CDKL1: variants seen among roughly 807,000 people sequenced by gnomAD.
CDKL1 encodes cyclin-dependent kinase-like 1.
A neutral mutation model predicts 42.0 loss-of-function variants in CDKL1; 41 were observed. The observed-to-expected ratio is 0.98, with a 90% CI of 0.76 to 1.27. The LOEUF is 1.27. Ranked by LOEUF, CDKL1 falls within the 50% of genes most tolerant of loss-of-function variation. CDKL1 has a pLI of 0.00. For missense variants in CDKL1, 394 were observed against 428.4 expected (o/e 0.92, Z 0.71); for synonymous variants, 153 against 158.6 (o/e 0.96, Z 0.26).
intron 2 of CDKL1, among the ~76,000 whole-genome samples, chr14:50,387,271 C>G (rs2035113291): frequency 1.3e-5 from 2 of 151,714 alleles, no homozygotes; most frequent in South Asian, 4.2e-4. Context: ...CCTGTAATCC[C>G]AGCACTTTGG....
chr14:50,330,165 T>TG lies in CDKL1; in HGVS notation c.982dup (p.Gln328ProfsTer13). ...TGGAAGGATGCTGCTGCCAGTTAGCTGGGGTAGGTACTGCAACTAAAAATG... is the reference window on the plus strand; with the variant it reads ...TGGAAGGATGCTGCTGCCAGTTAGCTGGGGGTAGGTACTGCAACTAAAAATG... On this transcript the variant is annotated frameshift_variant, in exon 10 of 10. Transcript: ENST00000395834. LOFTEE classifies it high-confidence loss of function. The TG allele has an allele frequency of 1.9e-6, 3 of 1,606,454 alleles. No individual in the cohort carries two copies. The highest frequency in any genetic ancestry group is 2.5e-6 in the Non-Finnish European group (3 of 1,178,448).
intron 2 of CDKL1, among the ~76,000 whole-genome samples, chr14:50,361,366 A>T (rs1652520820): frequency 6.6e-6 from 1 of 152,240 alleles, no homozygotes. Flanking sequence ...GAACAAGTAT[A>T]AAAAATTCAA....
chr14:50,362,528 G>T, intron 2 of CDKL1: 1 of 187,776 alleles, frequency 5.3e-6, no homozygotes, highest in Non-Finnish European at 1.1e-5. Flanking sequence ...TTACTCTGGT[G>T]GGGACTTGGA....
intron 5 of CDKL1, 55 bp downstream of exon 5, chr14:50,342,077 G>T: frequency 1.5e-6 from 2 of 1,336,762 alleles, no homozygotes; most frequent in Non-Finnish European, 2.1e-6. Flanking sequence ...ATCCTTTGTT[G>T]TATCAAGAAC....
chr14:50,328,040 G>A lies in CDKL1; in HGVS notation c.*2034C>T, dbSNP rs2032776731. On this transcript the variant is annotated 3_prime_UTR_variant, in exon 10 of 10. Transcript: ENST00000395834. ...AGCATAAATTTAACGGAACTCATTA[G>A]AAAAAAATAAGCCTTTTTTCTCAGG... The A allele has an allele frequency of 6.6e-6, 1 of 151,920 alleles. No homozygotes were observed. The highest frequency in any genetic ancestry group is 1.5e-5 in the Non-Finnish European group (1 of 67,968). The allele number at this position is 151,920 out of a possible 1,614,324, so 9.4% of individuals were successfully genotyped here. A position where few individuals can be genotyped will look rare whatever the true frequency, so the allele number is the denominator to read the frequency against.
At chr14:50,384,277 C>T (rs2035007983) in intron 2 of CDKL1, among the ~76,000 whole-genome samples, 1 of 152,220 alleles carries the variant, frequency 6.6e-6, no homozygotes, top group South Asian at 2.1e-4. Context: ...CCTAAGGCCC[C>T]AAACTGGCAG....
chr14:50,332,037 C>T, intron 9 of CDKL1: 1 of 1,539,652 alleles, frequency 6.5e-7, no homozygotes, highest in Non-Finnish European at 8.7e-7. Flanking sequence ...AAACCCTGGC[C>T]CCTGTGTGGC....
chr14:50,377,625 T>A (rs2034771186), intron 2 of CDKL1: 1 of 1,335,966 alleles, frequency 7.5e-7, no homozygotes. Context: ...AGGACCCCAC[T>A]GCTGATGATA....
Position 50,381,033 on chromosome 14 carries a change from C to G in CDKL1, c.168+14668G>C, listed in dbSNP as rs541742135. ...TACCATTTAAAAAAGGGCATTGCTC[C>G]TGGTGGGTGTCTTTGGATTTTGGAG... On this transcript the variant is annotated intron_variant, in intron 2 of 9. Transcript: ENST00000395834. Among the ~76,000 whole-genome samples, 10 of 152,274 alleles carry G rather than the reference C, an allele frequency of 6.6e-5. No individual in the cohort carries two copies. The East Asian group carries it at 1.9e-3, about 29-fold the overall frequency.
At chr14:50,369,005 T>C (rs1186361666) in intron 2 of CDKL1, among the ~76,000 whole-genome samples, 1 of 151,482 alleles carries the variant, frequency 6.6e-6, no homozygotes, top group African/African-American at 2.4e-5. Flanking sequence ...CAGCTGGGAA[T>C]ACAGGTGTGC....
chr14:50,378,483 T>C, intron 2 of CDKL1: 4 of 1,335,078 alleles, frequency 3.0e-6, no homozygotes, highest in Non-Finnish European at 4.0e-6. Context: ...GTCGCATAAC[T>C]TGGGACTTAA....
intron 2 of CDKL1, among the ~76,000 whole-genome samples, chr14:50,370,842 A>G (rs2139487053): frequency 6.6e-6 from 1 of 152,280 alleles, no homozygotes; most frequent in African/African-American, 2.4e-5. Context: ...AGACAACACC[A>G]AGTAATGAGG....
intron 2 of CDKL1, among the ~76,000 whole-genome samples, chr14:50,360,644 G>A (rs545411110): frequency 1.3e-5 from 2 of 151,412 alleles, no homozygotes; most frequent in Non-Finnish European, 3.0e-5. Context: ...CTGACCTCAG[G>A]TGATCCACCT....
intron 3 of CDKL1, among the ~76,000 whole-genome samples, chr14:50,358,742 C>T (rs991713335): frequency 6.7e-6 from 1 of 150,066 alleles, no homozygotes; most frequent in East Asian, 2.0e-4. Context: ...CAAGTTCAAG[C>T]GATTCTCCTG....
At chr14:50,364,214 A>C (rs2034373527) in intron 2 of CDKL1, among the ~76,000 whole-genome samples, 1 of 152,228 alleles carries the variant, frequency 6.6e-6, no homozygotes, top group Non-Finnish European at 1.5e-5. Flanking sequence ...TCATGCCTGT[A>C]ATCCCAGCAC....
Position 50,330,121 on chromosome 14 carries a change from A to G in CDKL1, c.1027T>C (p.Tyr343His), listed in dbSNP as rs1555337651. Reference protein sequence around the residue: ...SILPALDNKKYYCDTKKLNYR... With the variant: ...SILPALDNKKHYCDTKKLNYR... ...TTAAGTTTCTTGGTATCACAGTAGTACTTCTTATTATCCAAAGCTGGAAGG... is the reference window on the plus strand; with the variant it reads ...TTAAGTTTCTTGGTATCACAGTAGTGCTTCTTATTATCCAAAGCTGGAAGG... The change falls in exon 10 of 10, where the codon TAC (tyrosine) becomes CAC (histidine). Residue 343 changes from tyrosine to histidine, a missense_variant. By Grantham distance (83) the Tyr-to-His change is moderately conservative. Coordinates refer to ENST00000395834, the MANE Select transcript of CDKL1 (RefSeq NM_004196.7). 1 of 1,610,178 alleles carries G rather than the reference A, an allele frequency of 6.2e-7. No homozygotes were observed. Among genetic ancestry groups the G allele is most frequent in the South Asian group, 1.1e-5 (1 of 89,672 alleles).
At chr14:50,369,884 G>A (rs1307896595) in intron 2 of CDKL1, among the ~76,000 whole-genome samples, 2 of 152,084 alleles carry the variant, frequency 1.3e-5, no homozygotes, top group East Asian at 1.9e-4. Context: ...CTCCCAAAGT[G>A]CTGGGATTAC....
chr14:50,395,029 C>T lies in CDKL1; in HGVS notation c.168+672G>A, dbSNP rs142860306. On this transcript the variant is annotated intron_variant, in intron 2 of 9. Coordinates refer to ENST00000395834, the MANE Select transcript of CDKL1 (RefSeq NM_004196.7). Reference sequence around the variant, plus strand: ...TTTCACTTCTTTAAGAAAAACGCTTCTTTTTAGAAACGGGACATGATGATG... The same window carrying T: ...TTTCACTTCTTTAAGAAAAACGCTTTTTTTTAGAAACGGGACATGATGATG... Among the ~76,000 whole-genome samples the T allele has an allele frequency of 1.0e-3, 157 of 152,232 alleles. 1 individual carries two copies. The highest frequency in any genetic ancestry group is 2.5e-3 in the African/African-American group (105 of 41,538).
At chr14:50,342,985 G>C (rs760945535) in intron 4 of CDKL1, 1 of 1,355,722 alleles carries the variant, frequency 7.4e-7, no homozygotes, top group African/African-American at 1.5e-5. Context: ...TCGAGATGCG[G>C]CCCCCCCTCC....
Sources: gnomAD v4.1 joint callset for allele counts (sites outside exome capture counted in the v4.1 genomes callset) on GRCh38, gnomAD v4.1.1 for gene constraint, MANE v1.5 for transcripts, NCBI Gene and HGNC (gene_info 2026-07-23, HGNC 2026-07-21) for gene names.